The following IPMK variants were observed in gnomAD, a reference collection of about 807,000 sequenced individuals.
The protein encoded by IPMK is inositol 1,3,4,6-tetrakisphosphate 5-kinase.
Under a neutral mutation model 45.8 loss-of-function variants are expected in IPMK, and 17 were observed. The observed-to-expected ratio is 0.37, with a 90% CI of 0.25 to 0.56. The LOEUF (loss-of-function observed/expected upper bound fraction) is 0.56. IPMK is among the 20% of genes least tolerant of loss of function. The probability of loss-of-function intolerance (pLI) is 0.79; values close to 1 mark genes in which losing one functional copy is unlikely to be tolerated. For missense variants in IPMK, 399 were observed against 498.0 expected, an observed-to-expected ratio of 0.80 and a Z score of 1.89; for synonymous variants, 180 against 184.3, an observed-to-expected ratio of 0.98 and a Z score of 0.19.
rs564829921 is a variant in IPMK at position 58,267,151 on chromosome 10, C to T, written c.190+271G>A. Among the ~76,000 whole-genome samples, 38 of 152,342 alleles carry T rather than the reference C, an allele frequency of 2.5e-4. 1 individual carries two copies. The South Asian group carries it at 7.7e-3, about 31-fold the overall frequency. On this transcript the variant is annotated intron_variant, in intron 1 of 5. Coordinates refer to ENST00000373935, the MANE Select transcript of IPMK (RefSeq NM_152230.5). ...TAACAACGCCGTCTCCAATCAACACCCAACCTCCCTGGGGGGTGGGTGAGA... is the reference window on the plus strand; with the variant it reads ...TAACAACGCCGTCTCCAATCAACACTCAACCTCCCTGGGGGGTGGGTGAGA...
intron 3 of IPMK, among the ~76,000 whole-genome samples, chr10:58,223,132 C>T (rs1811845124): frequency 6.6e-6 from 1 of 151,906 alleles, no homozygotes; most frequent in Non-Finnish European, 1.5e-5. Context: ...CACCTATTCC[C>T]CCAAAAACCT....
At chr10:58,228,180 G>A (rs979770828) in intron 2 of IPMK, among the ~76,000 whole-genome samples, 9 of 152,174 alleles carry the variant, frequency 5.9e-5, no homozygotes, top group Admixed American at 5.2e-4. Flanking sequence ...ATGACCGTGG[G>A]TGCAGTGCTG....
intron 1 of IPMK, among the ~76,000 whole-genome samples, chr10:58,240,025 A>G (rs1056702580): frequency 6.6e-5 from 10 of 152,244 alleles, no homozygotes; most frequent in African/African-American, 2.4e-4. Flanking sequence ...ACACATACTC[A>G]AAATATCAGG....
intron 4 of IPMK, among the ~76,000 whole-genome samples, chr10:58,200,792 G>A (rs949989753): frequency 2.0e-5 from 3 of 152,060 alleles, no homozygotes; most frequent in Admixed American, 1.3e-4. Context: ...TAATAACTAG[G>A]GACAGCATTT....
chr10:58,267,328 T>C, intron 1 of IPMK, 94 bp downstream of exon 1: 1 of 1,281,554 alleles, frequency 7.8e-7, no homozygotes, highest in Non-Finnish European at 1.1e-6. Flanking sequence ...CAGGGGGGCG[T>C]CCAGGCAGGC....
At position 58,216,171 on chromosome 10, in the gene IPMK, T is replaced by A; in HGVS notation, c.520A>T (p.Ile174Phe). 6.2e-7 allele frequency: 1 copy of A among 1,607,284 alleles called. No homozygotes were observed. Among genetic ancestry groups the A allele is most frequent in the Non-Finnish European group, 8.5e-7 (1 of 1,177,776 alleles). The change falls in exon 4 of 6, where the codon ATT becomes TTT. Residue 174 changes from isoleucine (I) to phenylalanine (F), a missense_variant. By Grantham distance (21) the Ile-to-Phe change is conservative (BLOSUM62 0). Transcript: ENST00000373935. ...QVSKYPLMEE[I>F]GFLVLGMRVY... ...CTCATGCCAAGCACCAAGAACCCAA[T>A]CTCTTCCATTAATGGGTACTTGCTG...
chr10:58,238,409 T>C (rs1006611150), intron 1 of IPMK, among the ~76,000 whole-genome samples: 2 of 152,350 alleles, frequency 1.3e-5, no homozygotes, highest in Non-Finnish European at 2.9e-5. Context: ...CACCTTTTTA[T>C]AATCTGTCCA....
At chr10:58,248,364 A>C (rs1378797866) in intron 1 of IPMK, among the ~76,000 whole-genome samples, 1 of 152,212 alleles carries the variant, frequency 6.6e-6, no homozygotes, top group Non-Finnish European at 1.5e-5. Flanking sequence ...AGGATTACAA[A>C]TATTAAAAAT....
chr10:58,256,380 G>A (rs530840257), intron 1 of IPMK, among the ~76,000 whole-genome samples: 2 of 152,262 alleles, frequency 1.3e-5, no homozygotes, highest in South Asian at 4.2e-4. Context: ...AGTGCCCTCA[G>A]GCTTGCTAGG....
intron 1 of IPMK, among the ~76,000 whole-genome samples, chr10:58,243,582 C>T (rs1387916261): frequency 4.6e-5 from 7 of 152,214 alleles, no homozygotes; most frequent in African/African-American, 1.7e-4. Flanking sequence ...GTTGACTGGG[C>T]TGGTCTCCAG....
chr10:58,239,573 G>C (rs543098776), intron 1 of IPMK, among the ~76,000 whole-genome samples: 1 of 152,232 alleles, frequency 6.6e-6, no homozygotes, highest in Admixed American at 6.5e-5. Context: ...TGGGATAGCA[G>C]GATGGATTAG....
chr10:58,266,545 G>A (rs1839150074), intron 1 of IPMK, among the ~76,000 whole-genome samples: 1 of 151,992 alleles, frequency 6.6e-6, no homozygotes, highest in African/African-American at 2.4e-5. Flanking sequence ...TCGTTTTACC[G>A]GCATAAACTA....
chr10:58,217,156 C>CAT (rs1838255484), intron 3 of IPMK, among the ~76,000 whole-genome samples: 1 of 102,932 alleles, frequency 9.7e-6, no homozygotes, highest in East Asian at 3.1e-4. Flanking sequence ...GCCCATCTTG[C>CAT]TTTTTTTTTT....
intron 2 of IPMK, among the ~76,000 whole-genome samples, chr10:58,228,512 C>G (rs1039025088): frequency 6.6e-6 from 1 of 152,142 alleles, no homozygotes; most frequent in Non-Finnish European, 1.5e-5. Context: ...GGCAAGATAA[C>G]CTAAAAACCT....
Position 58,192,320 on chromosome 10 carries a change from G to A in IPMK, c.*3756C>T, listed in dbSNP as rs1278232178. ...ATGCAGCTCATTTGCTTGGGAATAT[G>A]TAATGGAATGTTTTTCACAGTAATG... On this transcript the variant is annotated 3_prime_UTR_variant, in exon 6 of 6. Coordinates refer to ENST00000373935, the MANE Select transcript of IPMK (RefSeq NM_152230.5). 2 of 151,936 alleles carry A rather than the reference G, an allele frequency of 1.3e-5. No individual in the cohort carries two copies. Among genetic ancestry groups the A allele is most frequent in the Non-Finnish European group, 2.9e-5 (2 of 67,860 alleles). 9.4% of individuals were successfully genotyped at this position (151,936 alleles called of 1,614,324 possible). A position where few individuals can be genotyped will look rare whatever the true frequency, so the allele number is the denominator to read the frequency against.
At chr10:58,227,937 T>C (rs1357382893) in intron 2 of IPMK, among the ~76,000 whole-genome samples, 1 of 151,924 alleles carries the variant, frequency 6.6e-6, no homozygotes, top group African/African-American at 2.4e-5. Context: ...GAAAACTTAG[T>C]ATTAGAATCT....
At chr10:58,256,599 G>T (rs1013343265) in intron 1 of IPMK, among the ~76,000 whole-genome samples, 13 of 152,014 alleles carry the variant, frequency 8.6e-5, no homozygotes, top group African/African-American at 2.7e-4. Flanking sequence ...TGATCTTTGT[G>T]ATTTACTCCC....
In IPMK at chr10:58,234,848, G is replaced by A. The variant is rs1262674949; in HGVS notation, c.276+2881C>T. Among the ~76,000 whole-genome samples the A allele has an allele frequency of 2.0e-5, 3 of 152,130 alleles. No individual in the cohort carries two copies. The East Asian group carries it at 5.8e-4, about 29-fold the overall frequency. ...AATTAAACTGAAGAGCTTCTGCATG[G>A]CAAAAGAAACTACCATCAGAGTGAA... is the stretch of plus-strand genomic sequence containing the variant. On this transcript the variant is annotated intron_variant, in intron 2 of 5. Coordinates refer to ENST00000373935, the MANE Select transcript of IPMK (RefSeq NM_152230.5).
intron 1 of IPMK, among the ~76,000 whole-genome samples, chr10:58,258,664 A>G (rs930865932): frequency 1.3e-5 from 2 of 152,208 alleles, no homozygotes; most frequent in African/African-American, 4.8e-5. Context: ...TATTTTTAAT[A>G]TAAATTATAA....
Sources: allele counts gnomAD v4.1 joint callset (sites outside exome capture counted in the v4.1 genomes callset), GRCh38; gene constraint gnomAD v4.1.1; transcripts MANE v1.5; gene names NCBI Gene and HGNC (gene_info 2026-07-23, HGNC 2026-07-21).